CADM2: variants seen among roughly 807,000 people sequenced by gnomAD.
CADM2 encodes immunoglobulin superfamily member 4D.
A neutral mutation model predicts 49.8 loss-of-function variants in CADM2; 12 were observed. That is an observed-to-expected ratio of 0.24 (90% CI 0.15 to 0.39). CADM2 has a LOEUF of 0.39. Among genes scored for constraint, CADM2 ranks in the 10% least tolerant of loss-of-function variants. The pLI is 1.00. For missense variants in CADM2, 378 were observed against 492.3 expected, an observed-to-expected ratio of 0.77 and a Z score of 2.20; for synonymous variants, 214 against 175.4, an observed-to-expected ratio of 1.22 and a Z score of -1.74.
intron 1 of CADM2, among the ~76,000 whole-genome samples, chr3:84,966,248 A>G (rs931654945): frequency 6.6e-6 from 1 of 152,126 alleles, no homozygotes; most frequent in African/African-American, 2.4e-5. Flanking sequence ...TCAGAGATGT[A>G]ATTATTGAGT....
intron 1 of CADM2, among the ~76,000 whole-genome samples, chr3:85,351,869 T>C (rs1376947262): frequency 6.6e-6 from 1 of 152,094 alleles, no homozygotes; most frequent in African/African-American, 2.4e-5. Context: ...TTGTGGGTCA[T>C]TGACTTCCTT....
intron 1 of CADM2, among the ~76,000 whole-genome samples, chr3:85,696,972 T>A (rs1011880980): frequency 5.3e-5 from 8 of 151,760 alleles, no homozygotes; most frequent in Admixed American, 4.6e-4. Context: ...GCAGTACTAT[T>A]TAAGTCTTTG....
chr3:85,158,747 C>G (rs944771646), intron 1 of CADM2, among the ~76,000 whole-genome samples: 1 of 151,690 alleles, frequency 6.6e-6, no homozygotes, highest in Non-Finnish European at 1.5e-5. Flanking sequence ...TGCTAGATGA[C>G]GAGTTAGTGG....
chr3:85,948,765 A>T (rs921084609), intron 7 of CADM2, among the ~76,000 whole-genome samples: 1 of 151,584 alleles, frequency 6.6e-6, no homozygotes, highest in Non-Finnish European at 1.5e-5. Flanking sequence ...GCCAGTGTTT[A>T]AAAGTATAGA....
intron 1 of CADM2, among the ~76,000 whole-genome samples, chr3:85,385,030 G>A (rs1454339036): frequency 6.6e-6 from 1 of 152,054 alleles, no homozygotes; most frequent in East Asian, 1.9e-4. Flanking sequence ...CCGCCTCCAA[G>A]GCTGAAGTGA....
rs115507494 is a variant in CADM2 at position 85,038,606 on chromosome 3, T to A, written c.61+78938T>A. Among the ~76,000 whole-genome samples, 694 of 152,346 alleles carry A rather than the reference T, an allele frequency of 4.6e-3. 4 individuals are homozygous for A. Among genetic ancestry groups the A allele is most frequent in the African/African-American group, 0.016 (668 of 41,580 alleles). On this transcript the variant is annotated intron_variant, in intron 1 of 9. Transcript: ENST00000383699. ...AAGGACCATGATTAGGAGCAGAGAC[T>A]TGAGATTTATACATTCCTGAACTCA...
At chr3:85,564,173 C>CTCTCTG (rs1270971040) in intron 1 of CADM2, among the ~76,000 whole-genome samples, 1 of 41,410 alleles carries the variant, frequency 2.4e-5, no homozygotes, top group East Asian at 7.9e-3. Context: ...ATGATTCTCT[C>CTCTCTG]TCTCTCTCTC....
chr3:85,776,380 G>A (rs968139317), intron 2 of CADM2, among the ~76,000 whole-genome samples: 6 of 151,356 alleles, frequency 4.0e-5, no homozygotes, highest in South Asian at 4.2e-4. Flanking sequence ...GAAAGAGAGA[G>A]AAAGATAATG....
chr3:85,843,987 G>C (rs1326610099), intron 3 of CADM2, among the ~76,000 whole-genome samples: 2 of 151,974 alleles, frequency 1.3e-5, no homozygotes, highest in Admixed American at 6.6e-5. Flanking sequence ...TTAAGAATTC[G>C]GGTTCGGTAG....
At chr3:85,255,888 A>G (rs1033959871) in intron 1 of CADM2, among the ~76,000 whole-genome samples, 17 of 152,104 alleles carry the variant, frequency 1.1e-4, no homozygotes, top group Admixed American at 3.3e-4. Flanking sequence ...TTATTAGTAT[A>G]TCTACATTTC....
chr3:85,526,573 C>A (rs17456263), intron 1 of CADM2, among the ~76,000 whole-genome samples: 78,292 of 151,986 alleles, frequency 0.52, 23,144 homozygotes, highest in East Asian at 0.85. Flanking sequence ...CCCTGTGACT[C>A]TGAACAAATA....
chr3:85,673,759 CT>C (rs1249222708), intron 1 of CADM2, among the ~76,000 whole-genome samples: 2 of 151,962 alleles, frequency 1.3e-5, no homozygotes, highest in African/African-American at 4.8e-5. Flanking sequence ...TTTGCTACAC[CT>C]TTTTACTTTA....
At chr3:85,303,549 A>G (rs888706967) in intron 1 of CADM2, among the ~76,000 whole-genome samples, 5 of 151,944 alleles carry the variant, frequency 3.3e-5, no homozygotes, top group African/African-American at 1.2e-4. Flanking sequence ...TGCTTGTGAA[A>G]AATCTCTAAA....
chr3:85,515,268 T>C (rs1466858434), intron 1 of CADM2, among the ~76,000 whole-genome samples: 1 of 152,130 alleles, frequency 6.6e-6, no homozygotes, highest in Non-Finnish European at 1.5e-5. Context: ...AGTTAACAAA[T>C]GTAACATCAC....
chr3:85,704,001 T>C (rs1295900920), intron 1 of CADM2, among the ~76,000 whole-genome samples: 1 of 152,160 alleles, frequency 6.6e-6, no homozygotes, highest in African/African-American at 2.4e-5. Flanking sequence ...GTTTTTAATA[T>C]TTTTTTGCTC....
intron 1 of CADM2, among the ~76,000 whole-genome samples, chr3:85,525,270 G>A (rs62252462): frequency 0.52 from 78,312 of 152,032 alleles, 23,149 homozygotes; most frequent in East Asian, 0.85. Context: ...AATTTCTTCT[G>A]TTATTTACAT....
rs551229515 is a variant in CADM2 at position 85,944,685 on chromosome 3, A to G, written c.791+8828A>G. 5.9e-5 allele frequency among the ~76,000 whole-genome samples: 9 copies of G among 152,294 alleles called. No homozygotes were observed. In the East Asian group the frequency reaches 1.7e-3, roughly 29 times the overall value. On this transcript the variant is annotated intron_variant, in intron 7 of 9. Transcript: ENST00000383699. ...CTGCTCCTGAATGACTACTGGGTACATAATGAAATGAAGGCAGAAATAAAG... is the reference window on the plus strand; with the variant it reads ...CTGCTCCTGAATGACTACTGGGTACGTAATGAAATGAAGGCAGAAATAAAG...
intron 3 of CADM2, among the ~76,000 whole-genome samples, chr3:85,828,359 G>A (rs1465766453): frequency 6.6e-6 from 1 of 151,780 alleles, no homozygotes; most frequent in African/African-American, 2.4e-5. Flanking sequence ...TTTTAAAATA[G>A]GAATTTTAAA....
intron 1 of CADM2, among the ~76,000 whole-genome samples, chr3:85,016,596 C>T (rs1205015974): frequency 2.0e-5 from 3 of 152,036 alleles, no homozygotes; most frequent in Non-Finnish European, 2.9e-5. Flanking sequence ...AGTTCAAGGC[C>T]AGCCTGGCCA....
Sources: allele counts gnomAD v4.1 joint callset (sites outside exome capture counted in the v4.1 genomes callset), GRCh38; gene constraint gnomAD v4.1.1; transcripts MANE v1.5; gene names NCBI Gene and HGNC (gene_info 2026-07-23, HGNC 2026-07-21).